The following USP6NL variants were observed in gnomAD, a reference collection of about 807,000 sequenced individuals.
The protein encoded by USP6NL is USP6 N-terminal-like protein.
USP6NL carries 26 observed loss-of-function variants against 61.9 expected under a neutral mutation model. The observed-to-expected ratio is 0.42, with a 90% CI of 0.31 to 0.58. The LOEUF (loss-of-function observed/expected upper bound fraction) is 0.58, where lower values mean the gene tolerates loss of function less well. Ranked by LOEUF, USP6NL falls within the 20% of genes least tolerant of loss-of-function variation. USP6NL has a pLI of 0.16. For missense variants in USP6NL, 1,114 were observed against 1,034.3 expected, an observed-to-expected ratio of 1.08 and a Z score of -1.06; for synonymous variants, 432 against 390.1, an observed-to-expected ratio of 1.11 and a Z score of -1.27.
At chr10:11,556,822 G>A (rs1377874206) in intron 2 of USP6NL, among the ~76,000 whole-genome samples, 2 of 152,204 alleles carry the variant, frequency 1.3e-5, no homozygotes, top group African/African-American at 4.8e-5. Flanking sequence ...ATGGAAGATT[G>A]TAATACATAG....
intron 5 of USP6NL, among the ~76,000 whole-genome samples, chr10:11,516,123 C>T (rs1360633095): frequency 6.6e-6 from 1 of 152,160 alleles, no homozygotes; most frequent in Non-Finnish European, 1.5e-5. Context: ...TGTTTATGTG[C>T]TTAAGTGCCT....
chr10:11,535,544 G>C (rs955982448), intron 2 of USP6NL, among the ~76,000 whole-genome samples: 1 of 152,212 alleles, frequency 6.6e-6, no homozygotes, highest in African/African-American at 2.4e-5. Flanking sequence ...CAGCACCTGA[G>C]ATGCAGAGCA....
intron 1 of USP6NL, among the ~76,000 whole-genome samples, chr10:11,605,983 T>C (rs938395073): frequency 1.3e-5 from 2 of 151,946 alleles, no homozygotes; most frequent in South Asian, 2.1e-4. Context: ...CTTGCCAAAA[T>C]TGACGAAAGA....
chr10:11,547,434 T>C (rs558873327), intron 2 of USP6NL, among the ~76,000 whole-genome samples: 2 of 152,280 alleles, frequency 1.3e-5, no homozygotes, highest in South Asian at 4.1e-4. Flanking sequence ...GAACCCATTC[T>C]CAAAATCATT....
intron 1 of USP6NL, among the ~76,000 whole-genome samples, chr10:11,601,705 A>G (rs1284966671): frequency 6.6e-6 from 1 of 152,244 alleles, no homozygotes; most frequent in East Asian, 1.9e-4. Flanking sequence ...GTAGTGGTTC[A>G]TTTGTTCCTT....
chr10:11,588,887 T>A (rs1382801442), intron 2 of USP6NL, among the ~76,000 whole-genome samples: 1 of 152,218 alleles, frequency 6.6e-6, no homozygotes, highest in Non-Finnish European at 1.5e-5. Flanking sequence ...AGTTTGGATA[T>A]CCAGATAGTA....
intron 2 of USP6NL, among the ~76,000 whole-genome samples, chr10:11,539,876 G>A (rs1835980308): frequency 6.6e-6 from 1 of 152,184 alleles, no homozygotes. Context: ...GCCTATGTTA[G>A]TTTTTATGAC....
In USP6NL at chr10:11,574,759, G is replaced by A. The variant is rs928766669; in HGVS notation, c.4+22872C>T. 1.3e-5 allele frequency among the ~76,000 whole-genome samples: 2 copies of A among 152,124 alleles called. No homozygotes were observed. The highest frequency in any genetic ancestry group is 2.1e-4 in the South Asian group (1 of 4,830). ...ATATTAGATCCCAGAGCAAATCAGA[G>A]GCAGTTCCTTTGCCTTCAGACAGTT... is the stretch of plus-strand genomic sequence containing the variant. On this transcript the variant is annotated intron_variant, in intron 2 of 14. Coordinates refer to ENST00000609104, the MANE Select transcript of USP6NL (RefSeq NM_014688.5). The surrounding 1 kb of genome is among the most constrained non-coding windows in gnomAD (Gnocchi z 4.3).
rs1215560054 is a variant in USP6NL, at chr10:11,462,918, A to C, written c.2010T>G (p.Pro670=). Residue 670 remains proline, a synonymous_variant, in exon 15 of 15, where the codon CCT becomes CCG. Coordinates refer to ENST00000609104, the MANE Select transcript of USP6NL (RefSeq NM_014688.5). ...PGTQLNPSRR[P]HGSTLSVSAS... ...CACTGACGGAAAGAGTAGAACCATG[A>C]GGTCTCCTGGAAGGATTCAGTTGAG... 2 of 1,613,450 alleles carry C rather than the reference A, an allele frequency of 1.2e-6. No homozygotes were observed. The highest frequency in any genetic ancestry group is 2.7e-5 in the African/African-American group (2 of 74,926).
At position 11,462,735 on chromosome 10, in the gene USP6NL, T is replaced by C. The variant is rs755019145; in HGVS notation, c.2193A>G (p.Pro731=). ...KLIIPPVDYL[P]DNRTWSEVSY... is the part of the protein sequence containing the mutation. ...TAACTTCTGACCATGTTCTGTTATC[T>C]GGCAAGTAATCCACTGGTGGAATGA... The change falls in exon 15 of 15, where the codon CCA becomes CCG. Residue 731 remains proline (P), a synonymous_variant. Coordinates refer to ENST00000609104, the MANE Select transcript of USP6NL (RefSeq NM_014688.5). 3.1e-6 allele frequency: 5 copies of C among 1,614,058 alleles called. No individual in the cohort carries two copies. The highest frequency in any genetic ancestry group is 3.3e-4 in the Middle Eastern group (2 of 6,062).
chr10:11,595,399 T>G lies in USP6NL; in HGVS notation c.4+2232A>C, dbSNP rs925160306. 6.6e-6 allele frequency among the ~76,000 whole-genome samples: 1 copy of G among 152,162 alleles called. No individual in the cohort carries two copies. Among genetic ancestry groups the G allele is most frequent in the African/African-American group, 2.4e-5 (1 of 41,434 alleles). On this transcript the variant is annotated intron_variant, in intron 2 of 14. Transcript: ENST00000609104. This position sits in a 1 kb window ranked among gnomAD's most constrained non-coding sequence, Gnocchi z 5.3. ...AGGCTCTGTGCCTAAAGCCAGAGACTGGGGTGGCACTTTTCCTTAATTATG... is the reference window on the plus strand; with the variant it reads ...AGGCTCTGTGCCTAAAGCCAGAGACGGGGGTGGCACTTTTCCTTAATTATG...
intron 5 of USP6NL, among the ~76,000 whole-genome samples, chr10:11,516,863 C>T (rs758962901): frequency 6.6e-6 from 1 of 152,136 alleles, no homozygotes; most frequent in African/African-American, 2.4e-5. Flanking sequence ...TCTTAAAAAA[C>T]TAATAAAAAA....
intron 5 of USP6NL, among the ~76,000 whole-genome samples, chr10:11,512,431 T>A (rs1008442465): frequency 3.9e-5 from 6 of 152,224 alleles, no homozygotes; most frequent in African/African-American, 1.4e-4. Context: ...AAACAGAAGC[T>A]CCCTGCTGGG....
At position 11,525,517 on chromosome 10, in the gene USP6NL, A is replaced by C; in HGVS notation, c.73-49T>G. 1 of 1,439,878 alleles carries C rather than the reference A, an allele frequency of 6.9e-7. No individual in the cohort carries two copies. The highest frequency in any genetic ancestry group is 9.3e-7 in the Non-Finnish European group (1 of 1,073,858). The allele number at this position is 1,439,878 out of a possible 1,614,324, so 89.2% of individuals were successfully genotyped here. On this transcript the variant is annotated intron_variant, in intron 3 of 14. Coordinates refer to ENST00000609104, the MANE Select transcript of USP6NL (RefSeq NM_014688.5). This position sits in a 1 kb window ranked among gnomAD's most constrained non-coding sequence, Gnocchi z 5.0. ...TGTTAATCAGAGTTTATAAAACTGA[A>C]TAATTTTTTAAAATAAAAGGACGAA...
At chr10:11,556,018 A>G (rs889707080) in intron 2 of USP6NL, among the ~76,000 whole-genome samples, 22 of 152,226 alleles carry the variant, frequency 1.4e-4, no homozygotes, top group Admixed American at 5.2e-4. Flanking sequence ...TACGAGCAGA[A>G]AAACACGAGC....
rs969581109 is a variant in USP6NL at position 11,481,422 on chromosome 10, C to T, written c.1078+348G>A. Among the ~76,000 whole-genome samples the T allele has an allele frequency of 5.9e-5, 9 of 151,972 alleles. No individual in the cohort carries two copies. Among genetic ancestry groups the T allele is most frequent in the African/African-American group, 1.9e-4 (8 of 41,346 alleles). On this transcript the variant is annotated intron_variant, in intron 14 of 14. Transcript: ENST00000609104. This position sits in a 1 kb window ranked among gnomAD's most constrained non-coding sequence, Gnocchi z 4.4. ...CTATTGCTGTACTTACTATTGTATA[C>T]GGTTTCACAAAATGAGATGAAGAAA...
At chr10:11,579,188 T>A (rs1837656781) in intron 2 of USP6NL, among the ~76,000 whole-genome samples, 1 of 152,238 alleles carries the variant, frequency 6.6e-6, no homozygotes, top group African/African-American at 2.4e-5. Context: ...ATGTGCTAAG[T>A]GGCAAAGTAG....
chr10:11,567,717 CAAT>C (rs1173651098), intron 2 of USP6NL, among the ~76,000 whole-genome samples: 1 of 152,148 alleles, frequency 6.6e-6, no homozygotes, highest in Non-Finnish European at 1.5e-5. Flanking sequence ...AGAATAACAA[CAAT>C]AATAAAAATA....
intron 7 of USP6NL, among the ~76,000 whole-genome samples, chr10:11,497,184 G>C (rs1462585500): frequency 6.7e-6 from 1 of 150,190 alleles, no homozygotes; most frequent in African/African-American, 2.4e-5. Context: ...GTGAGGTGGG[G>C]GGATCACAAG....
Sources: allele counts gnomAD v4.1 joint callset (sites outside exome capture counted in the v4.1 genomes callset), GRCh38; gene constraint gnomAD v4.1.1; non-coding constraint Gnocchi (gnomAD v3.1); transcripts MANE v1.5; gene names NCBI Gene and HGNC (gene_info 2026-07-23, HGNC 2026-07-21).